The following SUCLG2 variants were observed in gnomAD, a reference collection of about 807,000 sequenced individuals.
SUCLG2 encodes the protein succinate-CoA ligase GDP-forming subunit beta.
SUCLG2 carries 42 observed loss-of-function variants against 47.9 expected under a neutral mutation model. The observed-to-expected ratio is 0.88, with a 90% CI of 0.69 to 1.14. The LOEUF is 1.14. Ranked by LOEUF, SUCLG2 falls within the 50% of genes most tolerant of loss-of-function variation. The probability of loss-of-function intolerance (pLI) is 0.00; values close to 1 mark genes in which losing one functional copy is unlikely to be tolerated. For synonymous variants in SUCLG2, 195 were observed against 197.3 expected, an observed-to-expected ratio of 0.99 and a Z score of 0.10; for missense variants, 571 against 525.9, an observed-to-expected ratio of 1.09 and a Z score of -0.84.
chr3:67,446,406 TACATA>T (rs1224893589), intron 9 of SUCLG2, among the ~76,000 whole-genome samples: 6 of 144,660 alleles, frequency 4.1e-5, no homozygotes, highest in Non-Finnish European at 9.0e-5. Context: ...TCTAAATATG[TACATA>T]TGTACATTTT....
At chr3:67,365,430 T>C (rs1325316102) in intron 10 of SUCLG2, among the ~76,000 whole-genome samples, 5 of 152,206 alleles carry the variant, frequency 3.3e-5, no homozygotes, top group Admixed American at 3.3e-4. Flanking sequence ...TCAGAGACCA[T>C]CAGTGATGCT....
At chr3:67,534,534 C>A (rs1232943669) in intron 2 of SUCLG2, among the ~76,000 whole-genome samples, 1 of 151,612 alleles carries the variant, frequency 6.6e-6, no homozygotes, top group Non-Finnish European at 1.5e-5. Context: ...TTACTTACTG[C>A]TTTCATAACC....
intron 1 of SUCLG2, among the ~76,000 whole-genome samples, chr3:67,646,942 CCCT>C (rs1575842119): frequency 6.6e-6 from 1 of 152,164 alleles, no homozygotes; most frequent in Non-Finnish European, 1.5e-5. Flanking sequence ...CTCCCTATTG[CCCT>C]CCTCAAGAAC....
chr3:67,562,508 C>A lies in SUCLG2; in HGVS notation c.227-33322G>T, dbSNP rs528815417. ...GGCCAGGCTGGTCTCGAACTCCTGG[C>A]CTCAAATGATCCACCTGCCGCAGCC... On this transcript the variant is annotated intron_variant, in intron 2 of 10. Coordinates refer to ENST00000307227, the MANE Select transcript of SUCLG2 (RefSeq NM_003848.4). 5.3e-5 allele frequency among the ~76,000 whole-genome samples: 8 copies of A among 152,288 alleles called. No homozygotes were observed. In the East Asian group the frequency reaches 1.5e-3, roughly 29 times the overall value.
intron 2 of SUCLG2, among the ~76,000 whole-genome samples, chr3:67,594,482 C>T (rs962969244): frequency 2.6e-5 from 4 of 152,202 alleles, no homozygotes; most frequent in Non-Finnish European, 5.9e-5. Flanking sequence ...GTTCTCATGA[C>T]TGGCTCGTGT....
intron 9 of SUCLG2, 135 bp downstream of exon 9, chr3:67,495,663 A>C (rs1460709958): frequency 9.0e-7 from 1 of 1,116,264 alleles, no homozygotes; most frequent in Non-Finnish European, 1.2e-6. Flanking sequence ...AAAAAAAAAA[A>C]AAAAGATAGA....
chr3:67,497,996 G>A, intron 8 of SUCLG2, 138 bp downstream of exon 8: 2 of 857,424 alleles, frequency 2.3e-6, no homozygotes, highest in South Asian at 4.0e-5. Flanking sequence ...GAAGAAACTT[G>A]GATACTTTCC....
intron 9 of SUCLG2, among the ~76,000 whole-genome samples, chr3:67,475,318 A>T (rs1704721028): frequency 6.6e-6 from 1 of 152,174 alleles, no homozygotes; most frequent in African/African-American, 2.4e-5. Context: ...AAGAAAACTG[A>T]GTGATTTCTC....
At chr3:67,491,137 C>A (rs1437449963) in intron 9 of SUCLG2, among the ~76,000 whole-genome samples, 2 of 150,022 alleles carry the variant, frequency 1.3e-5, no homozygotes, top group Non-Finnish European at 3.0e-5. Flanking sequence ...GCCTGCGCAA[C>A]AAGGTAAACC....
At chr3:67,571,505 G>A (rs186727615) in intron 2 of SUCLG2, among the ~76,000 whole-genome samples, 1 of 152,128 alleles carries the variant, frequency 6.6e-6, no homozygotes, top group Admixed American at 6.5e-5. Flanking sequence ...AAACACTTCT[G>A]TTTAATGTCA....
At chr3:67,480,468 C>T (rs1419465698) in intron 9 of SUCLG2, among the ~76,000 whole-genome samples, 3 of 152,200 alleles carry the variant, frequency 2.0e-5, no homozygotes, top group African/African-American at 7.2e-5. Flanking sequence ...CTAGTCCAAC[C>T]ACACTTTTGA....
chr3:67,418,990 A>T (rs1157294153), intron 9 of SUCLG2, among the ~76,000 whole-genome samples: 2 of 152,172 alleles, frequency 1.3e-5, no homozygotes, highest in Admixed American at 1.3e-4. Context: ...TGGATTTAAA[A>T]AAAAAAAAGG....
At chr3:67,586,643 A>G (rs73090930) in intron 2 of SUCLG2, among the ~76,000 whole-genome samples, 14 of 152,290 alleles carry the variant, frequency 9.2e-5, no homozygotes, top group Non-Finnish European at 1.8e-4. Context: ...CTATTTTTAT[A>G]TGTTCTGTTG....
intron 1 of SUCLG2, 27 bp from the exon 2 acceptor site, chr3:67,609,623 G>A: frequency 6.2e-7 from 1 of 1,606,430 alleles, no homozygotes; most frequent in Non-Finnish European, 8.5e-7. Context: ...AGAGAGGTAA[G>A]AACATTCATT....
Position 67,391,694 on chromosome 3 carries a change from A to G in SUCLG2, c.1183+9037T>C, listed in dbSNP as rs577656156. Among the ~76,000 whole-genome samples, 25 of 152,230 alleles carry G rather than the reference A, an allele frequency of 1.6e-4. 1 individual carries two copies. The highest frequency in any genetic ancestry group is 6.0e-4 in the African/African-American group (25 of 41,534). Reference sequence around the variant, plus strand: ...GATTTGCTGCTAACACCCAGAATACATTGAGAACGGGCCCTTAGCTGAGTG... The same window carrying G: ...GATTTGCTGCTAACACCCAGAATACGTTGAGAACGGGCCCTTAGCTGAGTG... On this transcript the variant is annotated intron_variant, in intron 10 of 10. Coordinates refer to ENST00000307227, the MANE Select transcript of SUCLG2 (RefSeq NM_003848.4).
chr3:67,520,396 T>A, intron 5 of SUCLG2, 86 bp downstream of exon 5: 2 of 1,575,522 alleles, frequency 1.3e-6, no homozygotes, highest in Non-Finnish European at 1.7e-6. Context: ...GATTTAGTGC[T>A]CCTGGCCTTA....
At chr3:67,545,041 C>T (rs570892379) in intron 2 of SUCLG2, among the ~76,000 whole-genome samples, 96 of 152,272 alleles carry the variant, frequency 6.3e-4, no homozygotes, top group African/African-American at 2.2e-3. Flanking sequence ...TAAGCTAACT[C>T]TCAGATAAAA....
intron 2 of SUCLG2, among the ~76,000 whole-genome samples, chr3:67,593,705 C>G (rs956812516): frequency 4.6e-5 from 7 of 152,222 alleles, no homozygotes; most frequent in African/African-American, 1.7e-4. Flanking sequence ...CTTAGGCTTT[C>G]TCAGCTTTAG....
chr3:67,615,019 G>A (rs761007995), intron 1 of SUCLG2, among the ~76,000 whole-genome samples: 1 of 151,596 alleles, frequency 6.6e-6, no homozygotes, highest in African/African-American at 2.4e-5. Flanking sequence ...TCCTTCCTGC[G>A]TTTCTTTGAT....
Sources: gnomAD v4.1 joint callset for allele counts (sites outside exome capture counted in the v4.1 genomes callset) on GRCh38, gnomAD v4.1.1 for gene constraint, MANE v1.5 for transcripts, NCBI Gene and HGNC (gene_info 2026-07-23, HGNC 2026-07-21) for gene names.